The following RAD9B variants were observed in gnomAD, a reference collection of about 807,000 sequenced individuals.
RAD9B encodes the protein RAD9 checkpoint clamp component B, also known as cell cycle checkpoint control protein RAD9B.
A neutral mutation model predicts 48.3 loss-of-function variants in RAD9B; 41 were observed. The ratio of observed to expected loss-of-function variants is 0.85; its 90% confidence interval spans 0.66 to 1.10. The LOEUF is 1.10. Ranked by LOEUF, RAD9B falls within the 50% of genes least tolerant of loss-of-function variation. The probability of loss-of-function intolerance (pLI) is 0.00; values close to 1 mark genes in which losing one functional copy is unlikely to be tolerated. For missense variants in RAD9B, 444 were observed against 485.1 expected, an observed-to-expected ratio of 0.92 and a Z score of 0.80; for synonymous variants, 160 against 157.9, an observed-to-expected ratio of 1.01 and a Z score of -0.10.
chr12:110,519,953 A>C, intron 9 of RAD9B, 37 bp downstream of exon 9: 1 of 1,588,854 alleles, frequency 6.3e-7, no homozygotes. Context: ...TACTTGGGAC[A>C]AGCCATCATA....
At position 110,502,744 on chromosome 12, in the gene RAD9B, T is replaced by C. The variant is rs556624530; in HGVS notation, c.46+361T>C. 721 of 180,706 alleles carry C rather than the reference T, an allele frequency of 4.0e-3. 4 individuals are homozygous for C. The highest frequency in any genetic ancestry group is 0.015 in the African/African-American group (649 of 42,512). 11.2% of individuals were successfully genotyped at this position (180,706 alleles called of 1,614,324 possible). A position where few individuals can be genotyped will look rare whatever the true frequency, so the allele number is the denominator to read the frequency against. On this transcript the variant is annotated intron_variant, in intron 1 of 10. Coordinates refer to ENST00000409300, the MANE Select transcript of RAD9B (RefSeq NM_001286535.2). The stretch of plus-strand genomic sequence containing the variant: ...AACAGCATTAACCTGGTTTTTTTTT[T>C]CCCCAGATTCTACCATTTTTAAAAA...
At chr12:110,524,540 C>T (rs911900060) in intron 10 of RAD9B, among the ~76,000 whole-genome samples, 9 of 151,968 alleles carry the variant, frequency 5.9e-5, no homozygotes, top group East Asian at 1.9e-4. Flanking sequence ...CTAGCCTGGG[C>T]GACAGAGCAA....
chr12:110,506,479 C>T (rs988937238), intron 3 of RAD9B, 100 bp from the exon 4 acceptor site: 82 of 671,998 alleles, frequency 1.2e-4, no homozygotes, highest in Middle Eastern at 9.2e-4. Flanking sequence ...TGAGCCACCG[C>T]GCCTGGCCAA....
At chr12:110,510,057 G>T (rs1197562287) in intron 4 of RAD9B, among the ~76,000 whole-genome samples, 1 of 152,132 alleles carries the variant, frequency 6.6e-6, no homozygotes, top group African/African-American at 2.4e-5. Context: ...GTCATATTAT[G>T]TCACTTCGGT....
chr12:110,518,914 C>A lies in RAD9B; in HGVS notation c.743C>A (p.Ser248Tyr). ...TFSEATHAPI[S>Y]IYFDFPGKPL... ...TCAGAAGCTACACATGCTCCTATAT[C>A]CATTTATTTTGATTTCCCTGGGAAG... is the stretch of plus-strand genomic sequence containing the variant. The change falls in exon 8 of 11, where the codon TCC becomes TAC. Residue 248 changes from serine (S) to tyrosine (Y), a missense_variant. By Grantham distance (144) the Ser-to-Tyr change is moderately radical (BLOSUM62 -2). Coordinates refer to ENST00000409300, the MANE Select transcript of RAD9B (RefSeq NM_001286535.2). 6.4e-7 allele frequency: 1 copy of A among 1,570,834 alleles called. No individual in the cohort carries two copies. The highest frequency in any genetic ancestry group is 8.6e-7 in the Non-Finnish European group (1 of 1,158,848).
chr12:110,514,019 C>T (rs1274074714), intron 5 of RAD9B, among the ~76,000 whole-genome samples: 1 of 151,572 alleles, frequency 6.6e-6, no homozygotes, highest in East Asian at 1.9e-4. Context: ...TGAGCTACCA[C>T]ATCTGGTCCC....
rs76263217 is a variant in RAD9B, at chr12:110,503,723, C to T, written c.47-83C>T. The T allele has an allele frequency of 1.4e-4, 128 of 945,596 alleles. No homozygotes were observed. In the African/African-American group the frequency reaches 1.7e-3, roughly 12 times the overall value. 58.6% of individuals were successfully genotyped at this position (945,596 alleles called of 1,614,324 possible). On this transcript the variant is annotated intron_variant, in intron 1 of 10. Coordinates refer to ENST00000409300, the MANE Select transcript of RAD9B (RefSeq NM_001286535.2). ...GTTATTTTTGAATTTCTCTTGAGTC[C>T]TCTGAATGCTGAACTAGTCTTGTGA...
At chr12:110,520,485 T>C (rs1439189526) in intron 9 of RAD9B, among the ~76,000 whole-genome samples, 1 of 151,334 alleles carries the variant, frequency 6.6e-6, no homozygotes, top group Non-Finnish European at 1.5e-5. Flanking sequence ...GTGCTGGGAT[T>C]ACAGGTGTGA....
At chr12:110,508,658 C>T (rs1337291845) in intron 4 of RAD9B, among the ~76,000 whole-genome samples, 2 of 152,194 alleles carry the variant, frequency 1.3e-5, no homozygotes, top group Non-Finnish European at 2.9e-5. Flanking sequence ...GTCAGGGTCT[C>T]GTCATGTTGC....
At chr12:110,503,613 T>C (rs2063166739) in intron 1 of RAD9B, among the ~76,000 whole-genome samples, 193 bp from the exon 2 acceptor site, 1 of 152,224 alleles carries the variant, frequency 6.6e-6, no homozygotes, top group African/African-American at 2.4e-5. Context: ...CACTACAAAT[T>C]TATTGAGCCC....
chr12:110,510,435 C>G (rs929192621), intron 4 of RAD9B, among the ~76,000 whole-genome samples: 2 of 152,132 alleles, frequency 1.3e-5, no homozygotes. Flanking sequence ...GCTTTGATAC[C>G]GGTAGAATGC....
At chr12:110,502,498 G>C in intron 1 of RAD9B, 115 bp downstream of exon 1, 16 of 1,162,208 alleles carry the variant, frequency 1.4e-5, no homozygotes, top group Non-Finnish European at 1.7e-5. Context: ...GACTGAGGAC[G>C]CACGCCCTGG....
In RAD9B at chr12:110,531,292, A is replaced by C; in HGVS notation, c.*639A>C. ...ACTGCAACATCTGCCTCCCAGGTCC[A>C]AGCGATTCTCCTGCCTCAGCCTCCC... On this transcript the variant is annotated 3_prime_UTR_variant, in exon 11 of 11. Coordinates refer to ENST00000409300, the MANE Select transcript of RAD9B (RefSeq NM_001286535.2). 1 of 481,060 alleles carries C rather than the reference A, an allele frequency of 2.1e-6. No individual in the cohort carries two copies. The highest frequency in any genetic ancestry group is 3.1e-6 in the Non-Finnish European group (1 of 321,134). The allele number at this position is 481,060 out of a possible 1,614,324, so 29.8% of individuals were successfully genotyped here.
intron 6 of RAD9B, among the ~76,000 whole-genome samples, chr12:110,518,412 G>A (rs758011680): frequency 3.3e-4 from 50 of 152,072 alleles, no homozygotes; most frequent in Non-Finnish European, 5.7e-4. Context: ...AAGAAATCTG[G>A]TATTTAAACA....
chr12:110,530,614 T>G lies in RAD9B; in HGVS notation c.1215T>G (p.Ser405Arg). The G allele has an allele frequency of 1.2e-6, 2 of 1,614,024 alleles. No individual in the cohort carries two copies. The highest frequency in any genetic ancestry group is 1.7e-6 in the Non-Finnish European group (2 of 1,179,862). Reference sequence around the variant, plus strand: ...ACAGTCTGGCAAGAGCAAGTGACAGTGAAGAGGACATGAATAATGGCAGTT... The same window carrying G: ...ACAGTCTGGCAAGAGCAAGTGACAGGGAAGAGGACATGAATAATGGCAGTT... The part of the protein sequence containing the change: ...PFDSLARASD[S>R]EEDMNNGSFS... The change falls in exon 11 of 11, where the codon AGT (serine) becomes AGG (arginine). Residue 405 changes from serine (S) to arginine (R), a missense_variant. By Grantham distance (110) the Ser-to-Arg change is moderately radical. Transcript: ENST00000409300.
chr12:110,509,240 T>C (rs2063386934), intron 4 of RAD9B, among the ~76,000 whole-genome samples: 1 of 151,656 alleles, frequency 6.6e-6, no homozygotes, highest in Non-Finnish European at 1.5e-5. Context: ...AGTGCTGGAA[T>C]TACAGGCATA....
At chr12:110,528,463 TCCTC>T (rs1409377858) in intron 10 of RAD9B, among the ~76,000 whole-genome samples, 1 of 151,390 alleles carries the variant, frequency 6.6e-6, no homozygotes, top group Admixed American at 6.6e-5. Context: ...CCCACCATCT[TCCTC>T]CCTGCAGGAC....
chr12:110,517,051 C>T (rs372744768), intron 6 of RAD9B, among the ~76,000 whole-genome samples: 51 of 151,866 alleles, frequency 3.4e-4, no homozygotes, highest in African/African-American at 1.0e-3. Flanking sequence ...TTAAAAGTAA[C>T]ATTGGCCAGG....
chr12:110,513,597 T>C (rs1325658040), intron 5 of RAD9B, among the ~76,000 whole-genome samples: 2 of 151,760 alleles, frequency 1.3e-5, no homozygotes, highest in African/African-American at 4.8e-5. Context: ...AAACCTGTTA[T>C]TTGAAAGTGC....
Sources: gnomAD v4.1 joint callset for allele counts (sites outside exome capture counted in the v4.1 genomes callset) on GRCh38, gnomAD v4.1.1 for gene constraint, MANE v1.5 for transcripts, NCBI Gene and HGNC (gene_info 2026-07-23, HGNC 2026-07-21) for gene names.